Variants in IL1RAPL2 observed in about 807,000 individuals in gnomAD.
IL1RAPL2 encodes the protein interleukin 1 receptor accessory protein like 2.
IL1RAPL2 carries 3 observed loss-of-function variants against 44.1 expected under a neutral mutation model. That is an observed-to-expected ratio of 0.07 (90% CI 0.03 to 0.18). The LOEUF (loss-of-function observed/expected upper bound fraction) is 0.18. Ranked by LOEUF, IL1RAPL2 falls within the 10% of genes least tolerant of loss-of-function variation. The probability of loss-of-function intolerance (pLI) is 1.00; values close to 1 mark genes in which losing one functional copy is unlikely to be tolerated. For missense variants in IL1RAPL2, 391 were observed against 496.4 expected (o/e 0.79, Z 2.02); for synonymous variants, 181 against 178.8 (o/e 1.01, Z -0.10).
chrX:105,214,373 CAAAG>C (rs1454529530), intron 3 of IL1RAPL2, among the ~76,000 whole-genome samples: 13 of 105,330 alleles, frequency 1.2e-4, no homozygotes, highest in Non-Finnish European at 1.9e-4. Flanking sequence ...AAAAAAAAGA[CAAAG>C]AAGGGCATTA....
chrX:104,779,857 A>T (rs1305084955), intron 2 of IL1RAPL2, among the ~76,000 whole-genome samples: 1 of 110,749 alleles, frequency 9.0e-6, no homozygotes, highest in African/African-American at 3.3e-5. Context: ...GCAACATGGG[A>T]GGTACAAAGT....
At chrX:104,653,737 T>G (rs1347252170) in intron 1 of IL1RAPL2, among the ~76,000 whole-genome samples, 1 of 111,464 alleles carries the variant, frequency 9.0e-6, no homozygotes, top group Admixed American at 9.6e-5. Flanking sequence ...ACTCTTATAT[T>G]CTGGGTAAGG....
Position 104,940,825 on chromosome X carries a change from C to T in IL1RAPL2, c.83-254650C>T, listed in dbSNP as rs772659340. On this transcript the variant is annotated intron_variant, in intron 2 of 10. Transcript: ENST00000372582. ...CATGTGCCATGTTGGTGTGCTGCAC[C>T]CATTAACTCATCATTTACATTAGGT... Among the ~76,000 whole-genome samples the T allele has an allele frequency of 1.3e-4, 14 of 106,017 alleles. No homozygotes were observed. In the South Asian group the frequency reaches 5.7e-3, roughly 43 times the overall value. The allele number at this position is 106,017 out of a possible 115,157, so 92.1% of individuals were successfully genotyped here.
intron 2 of IL1RAPL2, among the ~76,000 whole-genome samples, chrX:105,190,102 A>G (rs1165844642): frequency 8.1e-5 from 9 of 111,562 alleles, no homozygotes; most frequent in Non-Finnish European, 1.7e-4. Flanking sequence ...TTGACATGAG[A>G]ATGAAAGGAG....
intron 2 of IL1RAPL2, among the ~76,000 whole-genome samples, chrX:104,791,110 A>G (rs889138770): frequency 1.5e-4 from 17 of 111,232 alleles, no homozygotes; most frequent in African/African-American, 5.6e-4. Context: ...CAGAAGGTTG[A>G]TCAGGCTTTG....
rs1255304313 is a variant in IL1RAPL2, at chrX:104,674,723, G to A, written c.82+15728G>A. On this transcript the variant is annotated intron_variant, in intron 2 of 10. Coordinates refer to ENST00000372582, the MANE Select transcript of IL1RAPL2 (RefSeq NM_017416.2). ...TAGAATTCGGCTGTGAATCCATCTG[G>A]TCCTGGACTCTTTTTGGTTGGTAAG... 2.7e-5 allele frequency among the ~76,000 whole-genome samples: 3 copies of A among 109,494 alleles called. No individual in the cohort carries two copies. The East Asian group carries it at 8.7e-4, about 32-fold the overall frequency.
At chrX:105,746,748 C>G (rs1223502440) in intron 8 of IL1RAPL2, among the ~76,000 whole-genome samples, 1 of 111,721 alleles carries the variant, frequency 9.0e-6, no homozygotes, top group Non-Finnish European at 1.9e-5. Flanking sequence ...TTCCATCTAC[C>G]TAATAGCAAC....
intron 5 of IL1RAPL2, among the ~76,000 whole-genome samples, chrX:105,285,646 C>T (rs1303266919): frequency 1.8e-5 from 2 of 111,870 alleles, no homozygotes; most frequent in Non-Finnish European, 3.8e-5. Flanking sequence ...TAAGTTGATA[C>T]TTTCTCCAAT....
At chrX:105,700,510 TG>T (rs1033132617) in intron 6 of IL1RAPL2, among the ~76,000 whole-genome samples, 1 of 111,569 alleles carries the variant, frequency 9.0e-6, no homozygotes, top group Admixed American at 9.5e-5. Context: ...TCCCAGGCAA[TG>T]GGGGTTGAAA....
chrX:105,027,886 G>GTT (rs1349584181), intron 2 of IL1RAPL2, among the ~76,000 whole-genome samples: 1 of 111,827 alleles, frequency 8.9e-6, no homozygotes, highest in Non-Finnish European at 1.9e-5. Flanking sequence ...ACCTGTGTTT[G>GTT]TTGCAGCACT....
At chrX:104,582,719 TTCTC>T (rs759634601) in intron 1 of IL1RAPL2, among the ~76,000 whole-genome samples, 3,859 of 95,392 alleles carry the variant, frequency 0.04, 131 homozygotes, top group Non-Finnish European at 0.064. Context: ...ATTTCTTTCT[TTCTC>T]TCTCTCTCCC....
At chrX:105,559,184 G>T (rs1432239448) in intron 6 of IL1RAPL2, among the ~76,000 whole-genome samples, 1 of 111,970 alleles carries the variant, frequency 8.9e-6, no homozygotes, top group Non-Finnish European at 1.9e-5. Context: ...TATTAATGAG[G>T]CCAATGCTGC....
At chrX:105,431,294 C>G (rs981334498) in intron 5 of IL1RAPL2, among the ~76,000 whole-genome samples, 5 of 112,164 alleles carry the variant, frequency 4.5e-5, no homozygotes, top group African/African-American at 1.6e-4. Context: ...CACAAAGTTT[C>G]TAGCATAGGC....
At chrX:105,672,406 C>A (rs2037832007) in intron 6 of IL1RAPL2, among the ~76,000 whole-genome samples, 1 of 112,498 alleles carries the variant, frequency 8.9e-6, no homozygotes, top group South Asian at 3.7e-4. Context: ...CTAACTACTA[C>A]TACATAGGTG....
At chrX:104,971,829 G>A (rs2030242623) in intron 2 of IL1RAPL2, among the ~76,000 whole-genome samples, 1 of 111,127 alleles carries the variant, frequency 9.0e-6, no homozygotes, top group Admixed American at 9.6e-5. Flanking sequence ...CAGTCTTAGG[G>A]GGTTATAGGC....
intron 6 of IL1RAPL2, among the ~76,000 whole-genome samples, chrX:105,583,279 C>A (rs1431814029): frequency 9.2e-6 from 1 of 109,008 alleles, no homozygotes; most frequent in Non-Finnish European, 1.9e-5. Context: ...GGACTACTGG[C>A]GCGTGACATC....
intron 5 of IL1RAPL2, among the ~76,000 whole-genome samples, chrX:105,290,462 AG>A (rs1274718554): frequency 9.0e-6 from 1 of 111,586 alleles, no homozygotes; most frequent in Non-Finnish European, 1.9e-5. Flanking sequence ...ACTAAACAAA[AG>A]TGCAACTTAT....
chrX:105,492,571 A>C (rs758183510), intron 6 of IL1RAPL2, among the ~76,000 whole-genome samples: 26 of 109,826 alleles, frequency 2.4e-4, no homozygotes, highest in Non-Finnish European at 3.2e-4. Context: ...TCTACTACTA[A>C]TAATAATTAT....
chrX:105,415,173 T>C (rs920545779), intron 5 of IL1RAPL2, among the ~76,000 whole-genome samples: 1 of 112,101 alleles, frequency 8.9e-6, no homozygotes, highest in African/African-American at 3.2e-5. Flanking sequence ...CAAAGACATA[T>C]CCCAATTTCT....
Sources: gnomAD v4.1 joint callset for allele counts (sites outside exome capture counted in the v4.1 genomes callset) on GRCh38, gnomAD v4.1.1 for gene constraint, MANE v1.5 for transcripts, NCBI Gene and HGNC (gene_info 2026-07-23, HGNC 2026-07-21) for gene names.